Variants in FMN2 observed in about 807,000 individuals in gnomAD.
The protein encoded by FMN2 is formin 2.
Under a neutral mutation model 142.3 loss-of-function variants are expected in FMN2, and 51 were observed. That is an observed-to-expected ratio of 0.36 (90% confidence interval 0.29 to 0.45). The LOEUF (loss-of-function observed/expected upper bound fraction) is 0.45, where lower values mean the gene tolerates loss of function less well. FMN2 is among the 20% of genes least tolerant of loss of function. The pLI is 1.00. For synonymous variants in FMN2, 882 were observed against 869.8 expected, an observed-to-expected ratio of 1.01 and a Z score of -0.25; for missense variants, 1,936 against 2,122.8, an observed-to-expected ratio of 0.91 and a Z score of 1.73.
At chr1:240,107,615 G>A (rs1661661898) in intron 1 of FMN2, among the ~76,000 whole-genome samples, 1 of 151,934 alleles carries the variant, frequency 6.6e-6, no homozygotes, top group African/African-American at 2.4e-5. Context: ...AAAGTGGTTG[G>A]TAGTTATCAT....
chr1:240,137,821 G>A (rs1020317933), intron 2 of FMN2, among the ~76,000 whole-genome samples: 2 of 152,080 alleles, frequency 1.3e-5, no homozygotes, highest in Non-Finnish European at 2.9e-5. Context: ...GCCAGGGGCG[G>A]TAGCTCACAC....
rs539823257 is a variant in FMN2, at chr1:240,127,323, C to T, written c.1782+3978C>T. 1.2e-3 allele frequency among the ~76,000 whole-genome samples: 175 copies of T among 151,288 alleles called. 2 individuals carry two copies. Among genetic ancestry groups the T allele is most frequent in the Admixed American group, 2.2e-3 (33 of 15,212 alleles). ...CCTGACCTCCAGTGATCTGCCACGT[C>T]GGCCTCTCAAAGTGCTAGGATTACA... On this transcript the variant is annotated intron_variant, in intron 2 of 17. Transcript: ENST00000319653.
intron 2 of FMN2, among the ~76,000 whole-genome samples, chr1:240,138,064 C>CAAAAAAAAAAAAA (rs369637580): frequency 1.0e-5 from 1 of 95,580 alleles, no homozygotes; most frequent in African/African-American, 4.0e-5. Flanking sequence ...GACTCCATCT[C>CAAAAAAAAAAAAA]AAAAAAAAAA....
Position 240,446,550 on chromosome 1 carries a change from T to C in FMN2, c.5060+8340T>C, listed in dbSNP as rs1572324540. On this transcript the variant is annotated intron_variant, in intron 16 of 17. Transcript: ENST00000319653. Reference sequence around the variant, plus strand: ...AGTGAAGATATTTAAAGTTACTCTTTTAAAAAATAACATCATGTGGCTTAT... The same window carrying C: ...AGTGAAGATATTTAAAGTTACTCTTCTAAAAAATAACATCATGTGGCTTAT... Among the ~76,000 whole-genome samples, 6 of 152,322 alleles carry C rather than the reference T, an allele frequency of 3.9e-5. No individual in the cohort carries two copies. In the East Asian group the frequency reaches 1.2e-3, roughly 29 times the overall value.
At chr1:240,472,053 ATTT>A (rs1676828424) in intron 16 of FMN2, 1 of 212,996 alleles carries the variant, frequency 4.7e-6, no homozygotes, top group African/African-American at 2.3e-5. Flanking sequence ...GGGGTATTTC[ATTT>A]TTTACTTGTA....
At chr1:240,222,926 T>C (rs1667172144) in intron 6 of FMN2, among the ~76,000 whole-genome samples, 1 of 152,338 alleles carries the variant, frequency 6.6e-6, no homozygotes, top group South Asian at 2.1e-4. Context: ...TATACAATCA[T>C]GTCATCTGCA....
chr1:240,367,936 T>G (rs1042447192), intron 14 of FMN2, among the ~76,000 whole-genome samples: 4 of 152,200 alleles, frequency 2.6e-5, no homozygotes, highest in African/African-American at 9.6e-5. Context: ...ACATTTAATT[T>G]TACGTCATAT....
At chr1:240,454,638 T>C (rs1676178193) in intron 16 of FMN2, among the ~76,000 whole-genome samples, 1 of 152,242 alleles carries the variant, frequency 6.6e-6, no homozygotes, top group Non-Finnish European at 1.5e-5. Flanking sequence ...AGGACAAGGA[T>C]TGTGCCTCTT....
intron 8 of FMN2, among the ~76,000 whole-genome samples, chr1:240,307,557 G>A (rs1006141546): frequency 2.0e-5 from 3 of 152,082 alleles, no homozygotes; most frequent in Non-Finnish European, 4.4e-5. Context: ...TTGGTTGTAG[G>A]TATGCAACTT....
intron 14 of FMN2, among the ~76,000 whole-genome samples, chr1:240,376,714 A>G (rs1383357050): frequency 2.0e-5 from 3 of 152,230 alleles, no homozygotes; most frequent in African/African-American, 4.8e-5. Flanking sequence ...TATATAAGGG[A>G]CTTTAGCATC....
Position 240,206,784 on chromosome 1 carries a change from C to CT in FMN2, c.1987-13dup. 6.3e-7 allele frequency: 1 copy of CT among 1,599,438 alleles called. No individual in the cohort carries two copies. Among genetic ancestry groups the CT allele is most frequent in the African/African-American group, 1.3e-5 (1 of 74,628 alleles). On this transcript the variant is annotated splice_polypyrimidine_tract_variant and intron_variant, in intron 4 of 17. Transcript: ENST00000319653. Reference sequence around the variant, plus strand: ...TATTTCATAACTAACTGTGTCTGTCCTTGTCGCCCTTCAGGAAGTTGTTGA... The same window carrying CT: ...TATTTCATAACTAACTGTGTCTGTCCTTTGTCGCCCTTCAGGAAGTTGTTGA...
chr1:240,121,995 C>A (rs1400649055), intron 1 of FMN2, among the ~76,000 whole-genome samples: 1 of 151,754 alleles, frequency 6.6e-6, no homozygotes, highest in Non-Finnish European at 1.5e-5. Flanking sequence ...CGGCATGATG[C>A]GTTACGAACT....
chr1:240,161,216 T>C (rs920820465), intron 2 of FMN2, among the ~76,000 whole-genome samples: 10 of 152,104 alleles, frequency 6.6e-5, no homozygotes, highest in African/African-American at 2.4e-4. Flanking sequence ...TTTAGTGGGA[T>C]GTGACAAACT....
intron 1 of FMN2, among the ~76,000 whole-genome samples, chr1:240,121,193 A>G (rs1662229509): frequency 6.6e-6 from 1 of 151,812 alleles, no homozygotes; most frequent in Non-Finnish European, 1.5e-5. Context: ...GCCTATAGCT[A>G]TGACTCTGCA....
At chr1:240,388,853 A>T (rs1346176561) in intron 14 of FMN2, among the ~76,000 whole-genome samples, 1 of 136,538 alleles carries the variant, frequency 7.3e-6, no homozygotes, top group Non-Finnish European at 1.5e-5. Flanking sequence ...CAAGAGCAAA[A>T]CTCCATCTCA....
chr1:240,399,249 C>T (rs1010902089), intron 15 of FMN2, among the ~76,000 whole-genome samples: 3 of 152,154 alleles, frequency 2.0e-5, no homozygotes, highest in Non-Finnish European at 4.4e-5. Flanking sequence ...AAGAGCTCTT[C>T]ACAATTTCCT....
At chr1:240,448,100 G>A (rs1225383540) in intron 16 of FMN2, among the ~76,000 whole-genome samples, 1 of 152,092 alleles carries the variant, frequency 6.6e-6, no homozygotes, top group South Asian at 2.1e-4. Context: ...AATTTTGTAT[G>A]TACCCAAGAA....
chr1:240,210,748 C>G (rs1031008438), intron 5 of FMN2, among the ~76,000 whole-genome samples: 1 of 152,126 alleles, frequency 6.6e-6, no homozygotes, highest in South Asian at 2.1e-4. Flanking sequence ...GTTGTTAAGT[C>G]AAGTTGGGAT....
intron 1 of FMN2, among the ~76,000 whole-genome samples, chr1:240,104,946 A>T (rs374570741): frequency 6.6e-6 from 1 of 152,140 alleles, no homozygotes; most frequent in African/African-American, 2.4e-5. Context: ...CCACCAGAGA[A>T]AACAGTCTGA....
Sources: gnomAD v4.1 joint callset for allele counts (sites outside exome capture counted in the v4.1 genomes callset) on GRCh38, gnomAD v4.1.1 for gene constraint, MANE v1.5 for transcripts, NCBI Gene and HGNC (gene_info 2026-07-23, HGNC 2026-07-21) for gene names.